Variants in UBE2N observed in about 807,000 individuals in gnomAD.
UBE2N encodes ubiquitin-conjugating enzyme E2 N.
For synonymous variants in UBE2N, 70 were observed against 69.2 expected (o/e 1.01, Z -0.06); for missense variants, 60 against 192.1 (o/e 0.31, Z 4.07).
rs1341576716 is a variant in UBE2N, at chr12:93,409,330, A to G, written c.*709T>C. The G allele has an allele frequency of 1.3e-5, 2 of 159,814 alleles. No homozygotes were observed. The highest frequency in any genetic ancestry group is 3.8e-4 in the East Asian group (2 of 5,208). 9.9% of individuals were successfully genotyped at this position (159,814 alleles called of 1,614,324 possible). A position where few individuals can be genotyped will look rare whatever the true frequency, so the allele number is the denominator to read the frequency against. On this transcript the variant is annotated 3_prime_UTR_variant, in exon 4 of 4. Transcript: ENST00000318066. The stretch of plus-strand genomic sequence containing the variant: ...CAAATTGGGAAAATGAAATAAACAC[A>G]GTAAAATAAACTGTACAAAGGCAAA...
chr12:93,431,136 A>G (rs1013360666), intron 1 of UBE2N, among the ~76,000 whole-genome samples: 9 of 152,146 alleles, frequency 5.9e-5, no homozygotes, highest in African/African-American at 2.2e-4. Context: ...CTGAGGCAGG[A>G]GAATCGCTTG....
At chr12:93,438,185 G>A (rs1401307146) in intron 1 of UBE2N, among the ~76,000 whole-genome samples, 1 of 152,234 alleles carries the variant, frequency 6.6e-6, no homozygotes, top group East Asian at 1.9e-4. Context: ...AGCAATGCCC[G>A]GGATATCCAA....
chr12:93,410,419 C>G lies in UBE2N; in HGVS notation c.418+315G>C, dbSNP rs906543234. 1.2e-4 allele frequency: 63 copies of G among 505,242 alleles called. 1 individual carries two copies. Among genetic ancestry groups the G allele is most frequent in the South Asian group, 9.6e-4 (37 of 38,396 alleles). The allele number at this position is 505,242 out of a possible 1,614,324, so 31.3% of individuals were successfully genotyped here. A position where few individuals can be genotyped will look rare whatever the true frequency, so the allele number is the denominator to read the frequency against. Reference sequence around the variant, plus strand: ...GCCATAAACAGCTGAATACTTTAATCAAATGGGTTACAAAAACAGTTCAAG... The same window carrying G: ...GCCATAAACAGCTGAATACTTTAATGAAATGGGTTACAAAAACAGTTCAAG... On this transcript the variant is annotated intron_variant, in intron 3 of 3. Transcript: ENST00000318066.
rs1473909856 is a variant in UBE2N, at chr12:93,441,848, C to T, written c.30+7G>A. 6.3e-6 allele frequency: 10 copies of T among 1,578,840 alleles called. No homozygotes were observed. The South Asian group carries it at 6.9e-5, about 11-fold the overall frequency. ...GCGAAGAGCTGGAGGCCGGCCTGGGCGGTTACCTTGATGATCCTGCGGGGC... is the reference window on the plus strand; with the variant it reads ...GCGAAGAGCTGGAGGCCGGCCTGGGTGGTTACCTTGATGATCCTGCGGGGC... On this transcript the variant is annotated splice_region_variant and intron_variant, in intron 1 of 3. Coordinates refer to ENST00000318066, the MANE Select transcript of UBE2N (RefSeq NM_003348.4).
chr12:93,430,050 C>A (rs1452176318), intron 1 of UBE2N, among the ~76,000 whole-genome samples: 1 of 152,174 alleles, frequency 6.6e-6, no homozygotes, highest in East Asian at 1.9e-4. Flanking sequence ...AATCCACTCA[C>A]CACTCACTCA....
chr12:93,423,196 C>G (rs1007856669), intron 1 of UBE2N, among the ~76,000 whole-genome samples: 1 of 152,240 alleles, frequency 6.6e-6, no homozygotes, highest in Non-Finnish European at 1.5e-5. Flanking sequence ...TGATGTGATT[C>G]TGAAGTTTGT....
At chr12:93,433,795 A>G (rs3782416) in intron 1 of UBE2N, among the ~76,000 whole-genome samples, 1 of 152,246 alleles carries the variant, frequency 6.6e-6, no homozygotes, top group Non-Finnish European at 1.5e-5. Flanking sequence ...ATAGTTCATT[A>G]TAACAGAAAA....
intron 1 of UBE2N, among the ~76,000 whole-genome samples, chr12:93,413,167 T>C (rs1197400195): frequency 1.3e-5 from 2 of 152,210 alleles, no homozygotes; most frequent in Non-Finnish European, 2.9e-5. Context: ...GTGCTTAATC[T>C]TTATCTTACC....
chr12:93,441,802 A>G (rs1239997908), intron 1 of UBE2N, 53 bp downstream of exon 1: 4 of 1,571,922 alleles, frequency 2.5e-6, no homozygotes, highest in Admixed American at 1.8e-5. Flanking sequence ...CTGCCTGCCC[A>G]GCTGAGCCGA....
At chr12:93,412,504 ATAAAT>A (rs1344138162) in intron 1 of UBE2N, among the ~76,000 whole-genome samples, 6 of 152,248 alleles carry the variant, frequency 3.9e-5, no homozygotes, top group African/African-American at 1.4e-4. Flanking sequence ...GCACTTGAAC[ATAAAT>A]TTAATTTATT....
At chr12:93,440,738 G>A (rs1358113027) in intron 1 of UBE2N, among the ~76,000 whole-genome samples, 1 of 152,126 alleles carries the variant, frequency 6.6e-6, no homozygotes, top group Non-Finnish European at 1.5e-5. Flanking sequence ...CATAAAAACC[G>A]ACACAAAAAT....
chr12:93,410,684 A>T, intron 3 of UBE2N, 50 bp downstream of exon 3: 1 of 1,606,992 alleles, frequency 6.2e-7, no homozygotes, highest in Non-Finnish European at 8.5e-7. Context: ...AAGTGGTAAT[A>T]CAAATTTGTA....
chr12:93,410,685 C>T, intron 3 of UBE2N, 49 bp downstream of exon 3: 1 of 1,607,294 alleles, frequency 6.2e-7, no homozygotes, highest in South Asian at 1.1e-5. Flanking sequence ...AGTGGTAATA[C>T]AAATTTGTAA....
intron 1 of UBE2N, among the ~76,000 whole-genome samples, chr12:93,422,713 T>C (rs532802790): frequency 1.3e-5 from 2 of 152,344 alleles, no homozygotes; most frequent in Admixed American, 1.3e-4. Context: ...AAAAATGATG[T>C]AGATTGTGGG....
At chr12:93,430,379 C>G (rs143594548) in intron 1 of UBE2N, among the ~76,000 whole-genome samples, 8 of 152,194 alleles carry the variant, frequency 5.3e-5, no homozygotes, top group Non-Finnish European at 1.2e-4. Context: ...GTAACTCCAT[C>G]GTTAAGTGAT....
intron 1 of UBE2N, among the ~76,000 whole-genome samples, chr12:93,436,521 G>A (rs1397023047): frequency 2.6e-5 from 4 of 152,182 alleles, no homozygotes; most frequent in Admixed American, 1.3e-4. Context: ...CTCACTTATC[G>A]GTTCCCGAAA....
chr12:93,432,982 G>A (rs893994345), intron 1 of UBE2N, among the ~76,000 whole-genome samples: 7 of 135,634 alleles, frequency 5.2e-5, no homozygotes, highest in Non-Finnish European at 9.1e-5. Context: ...CCAGGCTGGA[G>A]TGCAGTGGGG....
At chr12:93,427,685 T>C (rs1878636294) in intron 1 of UBE2N, among the ~76,000 whole-genome samples, 1 of 152,180 alleles carries the variant, frequency 6.6e-6, no homozygotes, top group Admixed American at 6.5e-5. Context: ...TTGTACTACT[T>C]TGTGAATACA....
In UBE2N at chr12:93,415,867, A is replaced by G. The variant is rs1221876102; in HGVS notation, c.31-4568T>C. Among the ~76,000 whole-genome samples the G allele has an allele frequency of 3.3e-5, 5 of 152,310 alleles. No homozygotes were observed. The East Asian group carries it at 9.6e-4, about 29-fold the overall frequency. ...GAAAGGCCTCCAAAAGCGTATCCCAAAATAGCTTCAAAATCACTCTCAATA... is the reference window on the plus strand; with the variant it reads ...GAAAGGCCTCCAAAAGCGTATCCCAGAATAGCTTCAAAATCACTCTCAATA... On this transcript the variant is annotated intron_variant, in intron 1 of 3. Coordinates refer to ENST00000318066, the MANE Select transcript of UBE2N (RefSeq NM_003348.4).
Sources: gnomAD v4.1 joint callset for allele counts (sites outside exome capture counted in the v4.1 genomes callset) on GRCh38, gnomAD v4.1.1 for gene constraint, MANE v1.5 for transcripts, NCBI Gene and HGNC (gene_info 2026-07-23, HGNC 2026-07-21) for gene names.